The following GOLPH3L variants were observed in gnomAD, a reference collection of about 807,000 sequenced individuals.
GOLPH3L encodes the protein golgi phosphoprotein 3 like.
A neutral mutation model predicts 30.3 loss-of-function variants in GOLPH3L; 22 were observed. The ratio of observed to expected loss-of-function variants is 0.73; its 90% CI spans 0.52 to 1.04. The LOEUF (loss-of-function observed/expected upper bound fraction) is 1.04. Ranked by LOEUF, GOLPH3L falls within the 50% of genes least tolerant of loss-of-function variation. The probability of loss-of-function intolerance (pLI) is 0.00; values close to 1 mark genes in which losing one functional copy is unlikely to be tolerated. For synonymous variants in GOLPH3L, 120 were observed against 128.2 expected (o/e 0.94, Z 0.43); for missense variants, 303 against 345.8 (o/e 0.88, Z 0.98).
At chr1:150,658,546 C>T (rs1026460631) in intron 4 of GOLPH3L, among the ~76,000 whole-genome samples, 27 of 152,186 alleles carry the variant, frequency 1.8e-4, no homozygotes, top group African/African-American at 6.5e-4. Flanking sequence ...AAAATTGAAC[C>T]TGGCCAGAGA....
intron 2 of GOLPH3L, among the ~76,000 whole-genome samples, chr1:150,690,529 G>C (rs1172649901): frequency 6.6e-6 from 1 of 152,136 alleles, no homozygotes; most frequent in African/African-American, 2.4e-5. Context: ...AATGGGCTTT[G>C]CTGTTTTCAT....
chr1:150,692,190 T>C (rs1651229813), intron 2 of GOLPH3L, among the ~76,000 whole-genome samples: 1 of 152,212 alleles, frequency 6.6e-6, no homozygotes, highest in Non-Finnish European at 1.5e-5. Flanking sequence ...ATCAATTTAA[T>C]ATTTTTAGAG....
rs1019749529 is a variant in GOLPH3L, at chr1:150,648,580, A to T, written c.599T>A (p.Val200Glu). 2 of 1,613,866 alleles carry T rather than the reference A, an allele frequency of 1.2e-6. No homozygotes were observed. The highest frequency in any genetic ancestry group is 2.7e-5 in the African/African-American group (2 of 74,874). Reference sequence around the variant, plus strand: ...TAGTACACTATCTTGAAGTTTTTTCACTAGTCGCTGTTTCTCTGTTGTATT... The same window carrying T: ...TAGTACACTATCTTGAAGTTTTTTCTCTAGTCGCTGTTTCTCTGTTGTATT... ...VTNTTEKQRL[V>E]KKLQDSVLER... The change falls in exon 5 of 5, where the codon GTG becomes GAG. Residue 200 changes from valine to glutamate, a missense_variant. Coordinates refer to ENST00000271732, the MANE Select transcript of GOLPH3L (RefSeq NM_018178.6).
chr1:150,662,087 A>G (rs587740456), intron 3 of GOLPH3L, among the ~76,000 whole-genome samples, 159 bp from the exon 4 acceptor site: 1 of 152,350 alleles, frequency 6.6e-6, no homozygotes, highest in Admixed American at 6.5e-5. Flanking sequence ...TATAGTATGG[A>G]GTGATAGTGC....
chr1:150,655,723 C>A (rs1650223203), intron 4 of GOLPH3L, among the ~76,000 whole-genome samples: 1 of 152,154 alleles, frequency 6.6e-6, no homozygotes, highest in African/African-American at 2.4e-5. Flanking sequence ...ACGGACACAG[C>A]TCCAACATTT....
chr1:150,651,875 GGAGA>G (rs975189232), intron 4 of GOLPH3L, among the ~76,000 whole-genome samples: 2 of 151,946 alleles, frequency 1.3e-5, no homozygotes, highest in African/African-American at 4.8e-5. Context: ...CAGAAGGAAA[GGAGA>G]GAAAGAGGCA....
intron 3 of GOLPH3L, among the ~76,000 whole-genome samples, chr1:150,663,282 C>T (rs587709330): frequency 2.6e-5 from 4 of 152,124 alleles, no homozygotes; most frequent in African/African-American, 7.2e-5. Flanking sequence ...CCTCATGATC[C>T]GCCCGCCTCG....
rs1329967876 is a variant in GOLPH3L, at chr1:150,673,466, C to T, written c.184-9703G>A. On this transcript the variant is annotated intron_variant, in intron 2 of 4. Transcript: ENST00000271732. Reference sequence around the variant, plus strand: ...CCTGTAATCCCAGCTACTTGGGAGGCTGAGGCAGGAGAATCATGTGAATCA... The same window carrying T: ...CCTGTAATCCCAGCTACTTGGGAGGTTGAGGCAGGAGAATCATGTGAATCA... Among the ~76,000 whole-genome samples the T allele has an allele frequency of 1.1e-4, 16 of 152,048 alleles. 1 individual carries two copies.
chr1:150,656,673 T>C (rs1445704593), intron 4 of GOLPH3L, among the ~76,000 whole-genome samples: 1 of 152,146 alleles, frequency 6.6e-6, no homozygotes, highest in Non-Finnish European at 1.5e-5. Context: ...ATCAAATCGC[T>C]ACCATGATAG....
intron 2 of GOLPH3L, among the ~76,000 whole-genome samples, chr1:150,676,935 G>T (rs779353606): frequency 6.6e-6 from 1 of 151,182 alleles, no homozygotes; most frequent in Non-Finnish European, 1.5e-5. Flanking sequence ...GTGAGCCACC[G>T]TGCCCAGCCT....
intron 4 of GOLPH3L, among the ~76,000 whole-genome samples, chr1:150,650,740 G>C (rs888094496): frequency 1.3e-5 from 2 of 152,194 alleles, no homozygotes; most frequent in Admixed American, 1.3e-4. Flanking sequence ...AACCTGTCCT[G>C]GTGCCAGAAA....
chr1:150,648,524 C>T lies in GOLPH3L; in HGVS notation c.655G>A (p.Asp219Asn). Residue 219 changes from aspartate to asparagine, a missense_variant, in exon 5 of 5, where the codon GAC (aspartate) becomes AAC (asparagine). Physicochemically the swap from Asp to Asn is conservative, Grantham distance 23. Transcript: ENST00000271732. ...ACCAGGAGTGCTAGTGTTCGCTTGTCCATACGCTGAGGGTCATTTACCCAC... is the reference window on the plus strand; with the variant it reads ...ACCAGGAGTGCTAGTGTTCGCTTGTTCATACGCTGAGGGTCATTTACCCAC... Reference protein sequence around the residue: ...ERWVNDPQRMDKRTLALLVLA... With the variant: ...ERWVNDPQRMNKRTLALLVLA... 1 of 1,613,834 alleles carries T rather than the reference C, an allele frequency of 6.2e-7. No individual in the cohort carries two copies.
Position 150,695,035 on chromosome 1 carries a change from T to C in GOLPH3L, c.-12-185A>G, listed in dbSNP as rs183088049. Among the ~76,000 whole-genome samples, 85 of 152,258 alleles carry C rather than the reference T, an allele frequency of 5.6e-4. 1 individual carries two copies. In the East Asian group the frequency reaches 0.011, roughly 20 times the overall value. ...ATACAGTATCTTTTCCAAAGTACAA[T>C]AGCTTGGACTTCACAGATGGCACTG... On this transcript the variant is annotated intron_variant, in intron 1 of 4. Coordinates refer to ENST00000271732, the MANE Select transcript of GOLPH3L (RefSeq NM_018178.6).
chr1:150,656,589 TGTC>T (rs1221216803), intron 4 of GOLPH3L, among the ~76,000 whole-genome samples: 3 of 152,216 alleles, frequency 2.0e-5, no homozygotes, highest in Non-Finnish European at 2.9e-5. Flanking sequence ...CTGGTGTTAT[TGTC>T]CAAGAGCAGG....
intron 2 of GOLPH3L, among the ~76,000 whole-genome samples, chr1:150,689,979 C>T (rs1651173154): frequency 1.3e-5 from 2 of 151,606 alleles, no homozygotes; most frequent in South Asian, 4.2e-4. Flanking sequence ...GTAGTTACCC[C>T]TCAGAAGAAT....
At chr1:150,679,261 A>G (rs965928380) in intron 2 of GOLPH3L, among the ~76,000 whole-genome samples, 2 of 152,176 alleles carry the variant, frequency 1.3e-5, no homozygotes, top group Non-Finnish European at 2.9e-5. Context: ...ATTCTACTTG[A>G]CCAACCCAAA....
chr1:150,671,806 CAAAAAAAAAAA>C (rs397793655), intron 2 of GOLPH3L, among the ~76,000 whole-genome samples: 1 of 47,154 alleles, frequency 2.1e-5, no homozygotes, highest in Non-Finnish European at 3.8e-5. Context: ...AACTCCGTCT[CAAAAAAAAAAA>C]AAAAAAAAAA....
rs959597246 is a variant in GOLPH3L at position 150,656,371 on chromosome 1, C to T, written c.430+5443G>A. Among the ~76,000 whole-genome samples, 6 of 152,244 alleles carry T rather than the reference C, an allele frequency of 3.9e-5. No individual in the cohort carries two copies. In the East Asian group the frequency reaches 1.2e-3, roughly 29 times the overall value. On this transcript the variant is annotated intron_variant, in intron 4 of 4. Coordinates refer to ENST00000271732, the MANE Select transcript of GOLPH3L (RefSeq NM_018178.6). ...ACTAGGGGACATTAATTGGATACGA[C>T]CTGCTCTAGGCATCCCTACCTATGC...
Position 150,651,611 on chromosome 1 carries a change from T to C in GOLPH3L, c.431-2863A>G, listed in dbSNP as rs183280041. Among the ~76,000 whole-genome samples, 8 of 130,930 alleles carry C rather than the reference T, an allele frequency of 6.1e-5. No homozygotes were observed. The East Asian group carries it at 1.8e-3, about 29-fold the overall frequency. The allele number at this position is 130,930 out of a possible 152,430, so 85.9% of individuals were successfully genotyped here. A position where few individuals can be genotyped will look rare whatever the true frequency, so the allele number is the denominator to read the frequency against. ...TTGCAATGAGCCAAGATCACACCAT[T>C]ACACTCCAGCCTCAGCGACAGAGCG... On this transcript the variant is annotated intron_variant, in intron 4 of 4. Coordinates refer to ENST00000271732, the MANE Select transcript of GOLPH3L (RefSeq NM_018178.6).
Sources: gnomAD v4.1 joint callset for allele counts (sites outside exome capture counted in the v4.1 genomes callset) on GRCh38, gnomAD v4.1.1 for gene constraint, MANE v1.5 for transcripts, NCBI Gene and HGNC (gene_info 2026-07-23, HGNC 2026-07-21) for gene names.